IMMP2L: variants seen among roughly 807,000 people sequenced by gnomAD.
The protein encoded by IMMP2L is mitochondrial inner membrane protease subunit 2.
In IMMP2L, 18 loss-of-function variants were observed where a neutral mutation model predicts 19.3. That is an observed-to-expected ratio of 0.93 (90% confidence interval 0.64 to 1.38). The LOEUF (loss-of-function observed/expected upper bound fraction) is 1.38. Among genes scored for constraint, IMMP2L ranks in the 40% most tolerant of loss-of-function variants. The pLI is 0.00. For synonymous variants in IMMP2L, 76 were observed against 73.0 expected (o/e 1.04, Z -0.21); for missense variants, 233 against 218.2 (o/e 1.07, Z -0.43).
chr7:111,542,306 C>A (rs1447899322), intron 1 of IMMP2L, among the ~76,000 whole-genome samples: 1 of 152,052 alleles, frequency 6.6e-6, no homozygotes, highest in Non-Finnish European at 1.5e-5. Flanking sequence ...AAACCTCAGT[C>A]TAGTAGAGAA....
intron 3 of IMMP2L, among the ~76,000 whole-genome samples, chr7:111,143,297 C>T (rs214844): frequency 0.088 from 13,312 of 152,042 alleles, 1,341 homozygotes; most frequent in African/African-American, 0.25. Context: ...GAATACATAT[C>T]TGAGGAATCC....
intron 5 of IMMP2L, among the ~76,000 whole-genome samples, chr7:110,723,361 G>T (rs1254411517): frequency 6.6e-6 from 1 of 152,178 alleles, no homozygotes; most frequent in Non-Finnish European, 1.5e-5. Flanking sequence ...CCAAGCTTTT[G>T]ATCCTCCAGT....
intron 3 of IMMP2L, among the ~76,000 whole-genome samples, chr7:111,148,359 A>T (rs1365103079): frequency 1.3e-5 from 2 of 152,076 alleles, no homozygotes; most frequent in Non-Finnish European, 2.9e-5. Context: ...GCCCTAGGGT[A>T]GAGGAAGGAA....
At chr7:111,328,690 CAA>C (rs1491550321) in intron 3 of IMMP2L, among the ~76,000 whole-genome samples, 1 of 151,674 alleles carries the variant, frequency 6.6e-6, no homozygotes, top group Non-Finnish European at 1.5e-5. Flanking sequence ...TGCTGAAGGG[CAA>C]GAGAGAGAGA....
chr7:111,370,363 A>G (rs1052287185), intron 3 of IMMP2L, among the ~76,000 whole-genome samples: 1 of 152,044 alleles, frequency 6.6e-6, no homozygotes, highest in African/African-American at 2.4e-5. Context: ...GAATGTGTTC[A>G]TTTAGCAAAT....
intron 3 of IMMP2L, among the ~76,000 whole-genome samples, chr7:111,363,508 T>C (rs1256931756): frequency 6.6e-6 from 1 of 152,148 alleles, no homozygotes. Flanking sequence ...TTGTCAATCT[T>C]ACTAGCACCA....
chr7:111,089,800 T>G (rs1796663491), intron 3 of IMMP2L, among the ~76,000 whole-genome samples: 1 of 152,066 alleles, frequency 6.6e-6, no homozygotes, highest in East Asian at 1.9e-4. Flanking sequence ...ATTTGGGAAC[T>G]GTTTCTAGAA....
chr7:111,352,367 CTT>C (rs748454509), intron 3 of IMMP2L, among the ~76,000 whole-genome samples: 10,681 of 130,628 alleles, frequency 0.082, 483 homozygotes, highest in African/African-American at 0.16. Flanking sequence ...GCACAACTAA[CTT>C]TTTTTTTTTT....
At chr7:111,344,257 T>C (rs1157944014) in intron 3 of IMMP2L, among the ~76,000 whole-genome samples, 1 of 152,166 alleles carries the variant, frequency 6.6e-6, no homozygotes, top group East Asian at 1.9e-4. Context: ...TCCAGCCACA[T>C]GGCCTCCTCC....
chr7:111,423,528 G>C (rs575965549), intron 3 of IMMP2L, among the ~76,000 whole-genome samples: 3 of 151,878 alleles, frequency 2.0e-5, no homozygotes, highest in South Asian at 4.1e-4. Context: ...ATTCTCTGAT[G>C]GTAGTTTGTA....
At chr7:111,560,686 C>T (rs547302325) in intron 1 of IMMP2L, among the ~76,000 whole-genome samples, 2 of 152,256 alleles carry the variant, frequency 1.3e-5, no homozygotes, top group Non-Finnish European at 2.9e-5. Flanking sequence ...GGTGAAAGGC[C>T]TACCCCAAAA....
At chr7:110,996,951 G>GTA (rs983167757) in intron 3 of IMMP2L, among the ~76,000 whole-genome samples, 42 of 152,008 alleles carry the variant, frequency 2.8e-4, no homozygotes, top group African/African-American at 9.7e-4. Context: ...TATTACAAGT[G>GTA]TAGATTCATG....
intron 5 of IMMP2L, among the ~76,000 whole-genome samples, chr7:110,836,260 G>A (rs1322233141): frequency 6.6e-6 from 1 of 152,122 alleles, no homozygotes; most frequent in Non-Finnish European, 1.5e-5. Flanking sequence ...GAATTTCTCT[G>A]AGAGTAAAAC....
Position 111,124,176 on chromosome 7 carries a change from C to T in IMMP2L, c.240-160611G>A, listed in dbSNP as rs749406280. 8 of 1,613,690 alleles carry T rather than the reference C, an allele frequency of 5.0e-6. No homozygotes were observed. In the African/African-American group the frequency reaches 1.1e-4, roughly 22 times the overall value. On this transcript the variant is annotated intron_variant, in intron 3 of 5. Coordinates refer to ENST00000405709, the MANE Select transcript of IMMP2L (RefSeq NM_032549.4). ...CTGGTCAAAAACTCTTGCCTAATAC[C>T]CTGACAGACAAGTTCTATGTCCATT...
At chr7:110,780,449 G>A (rs1799659738) in intron 5 of IMMP2L, among the ~76,000 whole-genome samples, 1 of 151,722 alleles carries the variant, frequency 6.6e-6, no homozygotes, top group African/African-American at 2.4e-5. Flanking sequence ...ATATTCTAGA[G>A]CTAATTCCCA....
At chr7:111,387,841 T>TG (rs1360275235) in intron 3 of IMMP2L, among the ~76,000 whole-genome samples, 1 of 151,612 alleles carries the variant, frequency 6.6e-6, no homozygotes, top group Non-Finnish European at 1.5e-5. Context: ...CCAGGCATGG[T>TG]GGCGCGTGCC....
intron 3 of IMMP2L, among the ~76,000 whole-genome samples, chr7:111,012,667 T>G (rs1337311275): frequency 6.6e-6 from 1 of 152,190 alleles, no homozygotes; most frequent in African/African-American, 2.4e-5. Flanking sequence ...GTAGCTATTC[T>G]GGAGTTTTAG....
intron 3 of IMMP2L, among the ~76,000 whole-genome samples, chr7:111,358,578 T>C (rs1023608184): frequency 1.3e-5 from 2 of 152,086 alleles, no homozygotes; most frequent in Admixed American, 6.6e-5. Context: ...ATAATCAAGA[T>C]TGACATATTT....
At chr7:111,226,252 C>T (rs1813085234) in intron 3 of IMMP2L, among the ~76,000 whole-genome samples, 1 of 152,012 alleles carries the variant, frequency 6.6e-6, no homozygotes, top group Admixed American at 6.6e-5. Flanking sequence ...CTCCCAGATT[C>T]AACCAATCCT....
Sources: allele counts gnomAD v4.1 joint callset (sites outside exome capture counted in the v4.1 genomes callset), GRCh38; gene constraint gnomAD v4.1.1; transcripts MANE v1.5; gene names NCBI Gene and HGNC (gene_info 2026-07-23, HGNC 2026-07-21).